RBM19: variants seen among roughly 807,000 people sequenced by gnomAD.
RBM19 encodes probable RNA-binding protein 19.
A neutral mutation model predicts 116.8 loss-of-function variants in RBM19; 94 were observed. That is an observed-to-expected ratio of 0.80 (90% CI 0.68 to 0.95). The LOEUF (loss-of-function observed/expected upper bound fraction) is 0.95, where lower values mean the gene tolerates loss of function less well. Ranked by LOEUF, RBM19 falls within the 40% of genes least tolerant of loss-of-function variation. The pLI is 0.00. For synonymous variants in RBM19, 475 were observed against 494.1 expected, an observed-to-expected ratio of 0.96 and a Z score of 0.51; for missense variants, 1,161 against 1,220.7, an observed-to-expected ratio of 0.95 and a Z score of 0.73.
rs1878121982 is a variant in RBM19 at position 113,858,731 on chromosome 12, C to T, written c.2664+60G>A. 3.3e-6 allele frequency: 5 copies of T among 1,530,728 alleles called. No individual in the cohort carries two copies. In the Admixed American group the frequency reaches 5.0e-5, roughly 15 times the overall value. 94.8% of individuals were successfully genotyped at this position (1,530,728 alleles called of 1,614,324 possible). On this transcript the variant is annotated intron_variant, in intron 22 of 23. Transcript: ENST00000261741. ...TGTGTTAGAGGCCTGGCTGTCTCTC[C>T]TACAATGGGTACTGGAAAGGGGAGG...
intron 21 of RBM19, among the ~76,000 whole-genome samples, chr12:113,866,611 G>C (rs934011967): frequency 2.6e-5 from 4 of 152,198 alleles, no homozygotes; most frequent in Admixed American, 2.0e-4. Flanking sequence ...TACCTGGACT[G>C]GTAGCATCAG....
At chr12:113,962,466 G>C in intron 1 of RBM19, 52 bp from the exon 2 acceptor site, 1 of 1,555,472 alleles carries the variant, frequency 6.4e-7, no homozygotes, top group Non-Finnish European at 8.8e-7. Context: ...CCCAGAGCAA[G>C]GGGACAAAAT....
Position 113,847,559 on chromosome 12 carries a change from T to C in RBM19, c.2665-2771A>G, listed in dbSNP as rs953833979. ...GGAGAGGAATTGGTGGGGAGTCTGG[T>C]GTGGCGGATGTTCCATCCTCGTGCC... On this transcript the variant is annotated intron_variant, in intron 22 of 23. Coordinates refer to ENST00000261741, the MANE Select transcript of RBM19 (RefSeq NM_016196.4). 3.9e-5 allele frequency among the ~76,000 whole-genome samples: 6 copies of C among 152,056 alleles called. No individual in the cohort carries two copies. In the South Asian group the frequency reaches 1.2e-3, roughly 32 times the overall value.
At chr12:113,882,897 C>T (rs1303507811) in intron 21 of RBM19, among the ~76,000 whole-genome samples, 1 of 152,220 alleles carries the variant, frequency 6.6e-6, no homozygotes, top group Admixed American at 6.5e-5. Flanking sequence ...GTCTGCAAGC[C>T]CTGTGTGGTC....
intron 22 of RBM19, among the ~76,000 whole-genome samples, chr12:113,858,397 C>T (rs1196660488): frequency 2.6e-5 from 4 of 152,186 alleles, no homozygotes; most frequent in Admixed American, 2.0e-4. Context: ...TTGGGTGTCT[C>T]CTACTCTCCA....
chr12:113,908,220 C>T (rs1349809960), intron 21 of RBM19, among the ~76,000 whole-genome samples: 1 of 152,132 alleles, frequency 6.6e-6, no homozygotes, highest in Non-Finnish European at 1.5e-5. Flanking sequence ...GTGTCTCTGC[C>T]CTAGCAGATG....
At position 113,823,169 on chromosome 12, in the gene RBM19, G is replaced by T; in HGVS notation, c.*55C>A. The T allele has an allele frequency of 6.5e-7, 1 of 1,528,968 alleles. No homozygotes were observed. 94.7% of individuals were successfully genotyped at this position (1,528,968 alleles called of 1,614,324 possible). On this transcript the variant is annotated 3_prime_UTR_variant, in exon 24 of 24. Transcript: ENST00000261741. ...CACATGGTGGTGAGTGCAGAAGCTGGAGCGGCTGTCCCGGTCCCCAGGGCC... is the reference window on the plus strand; with the variant it reads ...CACATGGTGGTGAGTGCAGAAGCTGTAGCGGCTGTCCCGGTCCCCAGGGCC...
chr12:113,925,974 GC>G (rs1476872725), intron 17 of RBM19, among the ~76,000 whole-genome samples: 2 of 152,180 alleles, frequency 1.3e-5, no homozygotes, highest in African/African-American at 4.8e-5. Context: ...CCAGGAAATA[GC>G]CAAAGACAAG....
At chr12:113,902,544 A>T (rs1433089972) in intron 21 of RBM19, among the ~76,000 whole-genome samples, 1 of 149,732 alleles carries the variant, frequency 6.7e-6, no homozygotes, top group African/African-American at 2.5e-5. Context: ...GGCTTCAGTG[A>T]GCAATGATTA....
intron 1 of RBM19, among the ~76,000 whole-genome samples, chr12:113,962,843 A>C (rs1872617768): frequency 6.6e-6 from 1 of 152,218 alleles, no homozygotes. Context: ...TAATCCCTGG[A>C]AACTGTGGAT....
chr12:113,849,256 C>T (rs1243127792), intron 22 of RBM19, among the ~76,000 whole-genome samples: 1 of 152,222 alleles, frequency 6.6e-6, no homozygotes, highest in Admixed American at 6.5e-5. Context: ...GGAGGGAAGG[C>T]GCTCCATGCT....
chr12:113,926,844 C>T (rs749382267), intron 17 of RBM19, among the ~76,000 whole-genome samples: 6 of 152,258 alleles, frequency 3.9e-5, no homozygotes, highest in Non-Finnish European at 8.8e-5. Flanking sequence ...CTATCAGGGC[C>T]CCCGGCCAGC....
rs545532795 is a variant in RBM19 at position 113,923,608 on chromosome 12, A to G, written c.2305+1089T>C. Among the ~76,000 whole-genome samples, 10 of 152,310 alleles carry G rather than the reference A, an allele frequency of 6.6e-5. No homozygotes were observed. The South Asian group carries it at 2.1e-3, about 32-fold the overall frequency. On this transcript the variant is annotated intron_variant, in intron 18 of 23. Transcript: ENST00000261741. ...GGAACTTGCCTACCTTTCTAGGTGT[A>G]GGCGTATCTCCTGACTCTTCCTCAA...
At chr12:113,949,455 C>A (rs904398870) in intron 9 of RBM19, among the ~76,000 whole-genome samples, 11 of 152,298 alleles carry the variant, frequency 7.2e-5, no homozygotes, top group Middle Eastern at 6.8e-3. Context: ...ATCACTGTAT[C>A]CTGCACAGGC....
chr12:113,834,381 G>C (rs1807737240), intron 23 of RBM19, among the ~76,000 whole-genome samples: 1 of 152,184 alleles, frequency 6.6e-6, no homozygotes, highest in African/African-American at 2.4e-5. Flanking sequence ...TATATGCTCT[G>C]AGAAAGTGGG....
At chr12:113,955,292 A>C in intron 6 of RBM19, 81 bp from the exon 7 acceptor site, 10 of 1,374,238 alleles carry the variant, frequency 7.3e-6, no homozygotes, top group Non-Finnish European at 9.3e-6. Flanking sequence ...GGGACATTTC[A>C]GTGCCAGAGA....
At chr12:113,860,273 G>A (rs936450346) in intron 21 of RBM19, among the ~76,000 whole-genome samples, 2 of 152,184 alleles carry the variant, frequency 1.3e-5, no homozygotes, top group African/African-American at 2.4e-5. Context: ...GTGGGGACAA[G>A]GTGAGGTTGG....
chr12:113,897,978 G>A (rs1447072017), intron 21 of RBM19, among the ~76,000 whole-genome samples: 1 of 152,200 alleles, frequency 6.6e-6, no homozygotes, highest in East Asian at 1.9e-4. Context: ...GTAGCAAAAT[G>A]ACTAACTCCA....
intron 21 of RBM19, among the ~76,000 whole-genome samples, chr12:113,900,070 T>C (rs148733147): frequency 6.6e-6 from 1 of 152,196 alleles, no homozygotes; most frequent in African/African-American, 2.4e-5. Context: ...TTCCACTGTC[T>C]GAGCTTTTGT....
Sources: gnomAD v4.1 joint callset for allele counts (sites outside exome capture counted in the v4.1 genomes callset) on GRCh38, gnomAD v4.1.1 for gene constraint, MANE v1.5 for transcripts, NCBI Gene and HGNC (gene_info 2026-07-23, HGNC 2026-07-21) for gene names.